Variants in ABRAXAS2 observed in about 807,000 individuals in gnomAD.
ABRAXAS2 encodes abraxas 2, BRISC complex subunit, also known as BRISC complex subunit Abraxas 2.
A neutral mutation model predicts 49.0 loss-of-function variants in ABRAXAS2; 23 were observed. The ratio of observed to expected loss-of-function variants is 0.47; its 90% confidence interval spans 0.34 to 0.66. The LOEUF (loss-of-function observed/expected upper bound fraction) is 0.66, where lower values mean the gene tolerates loss of function less well. Ranked by LOEUF, ABRAXAS2 falls within the 30% of genes least tolerant of loss-of-function variation. The probability of loss-of-function intolerance (pLI) is 0.01; values close to 1 mark genes in which losing one functional copy is unlikely to be tolerated. For missense variants in ABRAXAS2, 443 were observed against 511.9 expected, an observed-to-expected ratio of 0.87 and a Z score of 1.30; for synonymous variants, 168 against 180.2, an observed-to-expected ratio of 0.93 and a Z score of 0.54.
In ABRAXAS2 at chr10:124,836,509, C is replaced by T. The variant is rs1399906329; in HGVS notation, c.*1538C>T. Reference sequence around the variant, plus strand: ...TCAGCTACCTACTACGCAGCTTCAGCGCCAGTGTGAATTTATTTTTTTTTA... The same window carrying T: ...TCAGCTACCTACTACGCAGCTTCAGTGCCAGTGTGAATTTATTTTTTTTTA... On this transcript the variant is annotated 3_prime_UTR_variant, in exon 9 of 9. Transcript: ENST00000298492. The T allele has an allele frequency of 2.6e-5, 4 of 152,556 alleles. No homozygotes were observed. Among genetic ancestry groups the T allele is most frequent in the Non-Finnish European group, 2.9e-5 (2 of 68,032 alleles). 9.5% of individuals were successfully genotyped at this position (152,556 alleles called of 1,614,324 possible). A position where few individuals can be genotyped will look rare whatever the true frequency, so the allele number is the denominator to read the frequency against.
At chr10:124,809,709 AG>A (rs1312405199) in intron 2 of ABRAXAS2, among the ~76,000 whole-genome samples, 1 of 151,736 alleles carries the variant, frequency 6.6e-6, no homozygotes, top group African/African-American at 2.4e-5. Context: ...GCTTTGAATG[AG>A]GCCCAACACA....
At chr10:124,827,904 A>G (rs761012911) in intron 5 of ABRAXAS2, among the ~76,000 whole-genome samples, 7 of 152,206 alleles carry the variant, frequency 4.6e-5, no homozygotes, top group Non-Finnish European at 7.3e-5. Context: ...TTTTTATAAG[A>G]TTTCATTATG....
At chr10:124,824,246 C>G (rs962857387) in intron 4 of ABRAXAS2, among the ~76,000 whole-genome samples, 5 of 152,096 alleles carry the variant, frequency 3.3e-5, no homozygotes, top group Non-Finnish European at 5.9e-5. Flanking sequence ...AATCAATAAG[C>G]TGTTATATGC....
intron 5 of ABRAXAS2, among the ~76,000 whole-genome samples, 181 bp from the exon 6 acceptor site, chr10:124,828,575 C>T (rs1197878532): frequency 6.6e-6 from 1 of 151,944 alleles, no homozygotes; most frequent in East Asian, 1.9e-4. Flanking sequence ...ACCATGTTGG[C>T]CAGGCTGGCG....
At chr10:124,803,717 C>G (rs1210869970) in intron 1 of ABRAXAS2, among the ~76,000 whole-genome samples, 2 of 152,068 alleles carry the variant, frequency 1.3e-5, no homozygotes, top group Admixed American at 1.3e-4. Context: ...GCCTGACCAA[C>G]AAGGAGAAAC....
intron 4 of ABRAXAS2, among the ~76,000 whole-genome samples, chr10:124,824,216 A>G (rs1256893470): frequency 1.3e-5 from 2 of 152,158 alleles, no homozygotes; most frequent in Non-Finnish European, 2.9e-5. Context: ...GAATCTATTT[A>G]GAACTGTTGG....
intron 2 of ABRAXAS2, among the ~76,000 whole-genome samples, chr10:124,811,536 G>A (rs188865083): frequency 6.6e-6 from 1 of 152,164 alleles, no homozygotes; most frequent in African/African-American, 2.4e-5. Context: ...AGGAGATTGA[G>A]ACCATCCTAG....
At chr10:124,832,553 A>T (rs2134174020) in intron 8 of ABRAXAS2, among the ~76,000 whole-genome samples, 1 of 152,230 alleles carries the variant, frequency 6.6e-6, no homozygotes, top group East Asian at 1.9e-4. Flanking sequence ...ATAATCAGAA[A>T]TACAGATAGG....
chr10:124,807,647 C>G (rs958682178), intron 2 of ABRAXAS2, among the ~76,000 whole-genome samples: 1 of 152,104 alleles, frequency 6.6e-6, no homozygotes, highest in Admixed American at 6.6e-5. Context: ...ATTATTTGCA[C>G]TAATAAATGA....
intron 2 of ABRAXAS2, among the ~76,000 whole-genome samples, chr10:124,816,186 C>T (rs910622886): frequency 1.3e-5 from 2 of 152,166 alleles, no homozygotes; most frequent in African/African-American, 4.8e-5. Context: ...CAGGCGTGAG[C>T]CACTGCGACC....
intron 1 of ABRAXAS2, among the ~76,000 whole-genome samples, chr10:124,802,356 A>G (rs1950711365): frequency 6.6e-6 from 1 of 152,200 alleles, no homozygotes; most frequent in Non-Finnish European, 1.5e-5. Context: ...GGGTGCTGCG[A>G]GTGAAACCGT....
intron 3 of ABRAXAS2, among the ~76,000 whole-genome samples, chr10:124,816,883 A>G (rs1034590995): frequency 1.3e-5 from 2 of 152,240 alleles, no homozygotes; most frequent in Admixed American, 1.3e-4. Context: ...TCAACATAAA[A>G]TAATTCAAAG....
chr10:124,834,690 T>G lies in ABRAXAS2; in HGVS notation c.967T>G (p.Ser323Ala). Reference protein sequence around the residue: ...PNNQESTLSHSRMERSVFMPR... With the variant: ...PNNQESTLSHARMERSVFMPR... ...CAATCAAGAAAGTACTTTGAGCCAC[T>G]CTCGCATGGAAAGGAGTGTCTTTAT... The change falls in exon 9 of 9, where the codon TCT becomes GCT. Residue 323 changes from serine (S) to alanine (A), a missense_variant. Around this residue, in one of 3 missense-constraint regions of ABRAXAS2, gnomAD observed 230 missense variants for 237.0 expected, o/e 0.97. Transcript: ENST00000298492. The G allele has an allele frequency of 6.2e-7, 1 of 1,614,132 alleles. No individual in the cohort carries two copies. The highest frequency in any genetic ancestry group is 1.1e-5 in the South Asian group (1 of 91,086).
intron 8 of ABRAXAS2, among the ~76,000 whole-genome samples, chr10:124,833,879 A>G (rs1950950546): frequency 6.6e-6 from 1 of 152,200 alleles, no homozygotes; most frequent in Non-Finnish European, 1.5e-5. Context: ...TTCAGTATCT[A>G]CTTAAGACAG....
intron 7 of ABRAXAS2, among the ~76,000 whole-genome samples, chr10:124,830,911 T>C (rs929428054): frequency 6.6e-6 from 1 of 152,262 alleles, no homozygotes; most frequent in Admixed American, 6.5e-5. Context: ...TTTGAAACTT[T>C]TTTCAACTTT....
At chr10:124,811,684 G>T (rs150198930) in intron 2 of ABRAXAS2, among the ~76,000 whole-genome samples, 8,593 of 151,442 alleles carry the variant, frequency 0.057, 788 homozygotes, top group African/African-American at 0.19. Flanking sequence ...CTTGCAGTGA[G>T]CAGAGATTGT....
chr10:124,824,534 C>CAAAAAA (rs531680713), intron 4 of ABRAXAS2, among the ~76,000 whole-genome samples: 2 of 78,192 alleles, frequency 2.6e-5, no homozygotes, highest in African/African-American at 3.9e-5. Context: ...TCTCAAAAAC[C>CAAAAAA]AAAAAAAAAA....
intron 8 of ABRAXAS2, among the ~76,000 whole-genome samples, chr10:124,833,333 C>T (rs1322874270): frequency 6.8e-6 from 1 of 147,492 alleles, no homozygotes; most frequent in Non-Finnish European, 1.5e-5. Flanking sequence ...GGCATGGTGG[C>T]ATGCACCTCT....
chr10:124,813,811 CAG>C (rs1950806444), intron 2 of ABRAXAS2, among the ~76,000 whole-genome samples: 2 of 152,180 alleles, frequency 1.3e-5, no homozygotes, highest in Non-Finnish European at 2.9e-5. Context: ...GCTTTGGTAA[CAG>C]TGCACATTCA....
Sources: gnomAD v4.1 joint callset for allele counts (sites outside exome capture counted in the v4.1 genomes callset) on GRCh38, gnomAD v4.1.1 for gene constraint, gnomAD v4.1.1 regional missense constraint, MANE v1.5 for transcripts, NCBI Gene and HGNC (gene_info 2026-07-23, HGNC 2026-07-21) for gene names.